Variants in KPNA4 observed in about 807,000 individuals in gnomAD.
KPNA4 encodes the protein karyopherin subunit alpha 4.
In KPNA4, 13 loss-of-function variants were observed where a neutral mutation model predicts 71.3. The ratio of observed to expected loss-of-function variants is 0.18; its 90% CI spans 0.12 to 0.29. KPNA4 has a LOEUF of 0.29. Among genes scored for constraint, KPNA4 ranks in the 10% least tolerant of loss-of-function variants. KPNA4 has a pLI of 1.00. For synonymous variants in KPNA4, 189 were observed against 195.2 expected (o/e 0.97, Z 0.26); for missense variants, 334 against 603.2 (o/e 0.55, Z 4.67).
At chr3:160,524,704 T>C (rs375780750) in intron 10 of KPNA4, among the ~76,000 whole-genome samples, 9 of 152,320 alleles carry the variant, frequency 5.9e-5, no homozygotes, top group East Asian at 5.8e-4. Context: ...AACTTGGCTA[T>C]TAAGGAGCCA....
At chr3:160,508,294 T>C (rs768391575) in intron 14 of KPNA4, 25 bp from the exon 15 acceptor site, 37 of 1,517,154 alleles carry the variant, frequency 2.4e-5, no homozygotes, top group African/African-American at 4.2e-5. Context: ...CAACATAAAA[T>C]AATGCAATAT....
chr3:160,527,936 A>T lies in KPNA4; in HGVS notation c.556+17T>A. The T allele has an allele frequency of 6.3e-7, 1 of 1,584,484 alleles. No homozygotes were observed. Among genetic ancestry groups the T allele is most frequent in the Non-Finnish European group, 8.7e-7 (1 of 1,154,996 alleles). ...TGATAACAATTTTTAGACTAGTATTACAAGTTTTATACAAACCTATGATAT... is the reference window on the plus strand; with the variant it reads ...TGATAACAATTTTTAGACTAGTATTTCAAGTTTTATACAAACCTATGATAT... On this transcript the variant is annotated intron_variant, in intron 8 of 16. Transcript: ENST00000334256.
chr3:160,559,913 T>C (rs1026855076), intron 1 of KPNA4, among the ~76,000 whole-genome samples: 3 of 152,114 alleles, frequency 2.0e-5, no homozygotes, highest in Admixed American at 6.5e-5. Flanking sequence ...TTTATAGATA[T>C]CAATATACAG....
intron 8 of KPNA4, among the ~76,000 whole-genome samples, chr3:160,527,166 C>CT (rs1721476371): frequency 6.6e-6 from 1 of 152,168 alleles, no homozygotes; most frequent in Non-Finnish European, 1.5e-5. Context: ...AGCAATACCC[C>CT]TACAAACAGT....
intron 5 of KPNA4, among the ~76,000 whole-genome samples, chr3:160,534,244 T>C (rs1283692767): frequency 6.6e-6 from 1 of 152,208 alleles, no homozygotes; most frequent in African/African-American, 2.4e-5. Flanking sequence ...TACTTGTCTC[T>C]TTCCTACTGA....
At chr3:160,536,439 G>A (rs562729128) in intron 2 of KPNA4, among the ~76,000 whole-genome samples, 10 of 152,204 alleles carry the variant, frequency 6.6e-5, no homozygotes, top group African/African-American at 2.2e-4. Context: ...TTTGCAACAA[G>A]TTCTTTTCAG....
intron 1 of KPNA4, among the ~76,000 whole-genome samples, chr3:160,545,301 T>C (rs62272799): frequency 0.045 from 6,864 of 152,322 alleles, 225 homozygotes; most frequent in Middle Eastern, 0.078. Flanking sequence ...TATGTTCACA[T>C]ACTAAACAGA....
intron 1 of KPNA4, among the ~76,000 whole-genome samples, chr3:160,559,573 A>G (rs1187998284): frequency 2.0e-5 from 3 of 152,202 alleles, no homozygotes; most frequent in Non-Finnish European, 4.4e-5. Context: ...GTAACAGTGT[A>G]AGAAAAGTTC....
intron 1 of KPNA4, chr3:160,564,446 T>C (rs1255640794): frequency 1.3e-5 from 2 of 152,210 alleles, no homozygotes; most frequent in Non-Finnish European, 2.9e-5. Context: ...GCTGGTGGTC[T>C]CCTCTCAGGA....
chr3:160,546,031 C>G (rs1176626381), intron 1 of KPNA4, among the ~76,000 whole-genome samples: 3 of 151,398 alleles, frequency 2.0e-5, no homozygotes, highest in African/African-American at 7.3e-5. Context: ...AATGAGATGT[C>G]AAGTAGTCTG....
intron 15 of KPNA4, among the ~76,000 whole-genome samples, chr3:160,505,298 T>C (rs925130191): frequency 1.3e-5 from 2 of 152,156 alleles, no homozygotes; most frequent in African/African-American, 4.8e-5. Flanking sequence ...TATAAATAAG[T>C]AATGAGACAT....
Position 160,521,850 on chromosome 3 carries a change from G to C in KPNA4, c.832C>G (p.Gln278Glu). The C allele has an allele frequency of 6.2e-7, 1 of 1,612,792 alleles. No individual in the cohort carries two copies. The highest frequency in any genetic ancestry group is 2.2e-5 in the East Asian group (1 of 44,846). The change falls in exon 11 of 17, where the codon CAG becomes GAG. Residue 278 changes from glutamine (Q) to glutamate (E), a missense_variant. Gln to Glu is a conservative substitution (Grantham distance 29). Coordinates refer to ENST00000334256, the MANE Select transcript of KPNA4 (RefSeq NM_002268.5). ...YLTDAGNEQI[Q>E]MVIDSGIVPH... ...ACTATTCCAGAGTCTATTACCATCT[G>C]TATTTGTTCATTGCCAGCATCAGTA...
intron 1 of KPNA4, among the ~76,000 whole-genome samples, chr3:160,549,748 G>A (rs1385551790): frequency 6.6e-6 from 1 of 152,182 alleles, no homozygotes; most frequent in Non-Finnish European, 1.5e-5. Context: ...GATATTCAGA[G>A]TCCTTGTGGT....
chr3:160,535,639 A>G, intron 4 of KPNA4, 22 bp downstream of exon 4: 1 of 1,586,966 alleles, frequency 6.3e-7, no homozygotes, highest in Non-Finnish European at 8.5e-7. Context: ...GCAAATGAAG[A>G]GAGGGAAAAA....
intron 1 of KPNA4, among the ~76,000 whole-genome samples, chr3:160,538,279 T>G (rs1298848582): frequency 6.6e-6 from 1 of 152,048 alleles, no homozygotes; most frequent in African/African-American, 2.4e-5. Context: ...GCTTCTTTAT[T>G]ATCACATTAA....
At chr3:160,524,488 C>A (rs1464983021) in intron 10 of KPNA4, among the ~76,000 whole-genome samples, 1 of 151,822 alleles carries the variant, frequency 6.6e-6, no homozygotes, top group Non-Finnish European at 1.5e-5. Flanking sequence ...ACTACAGGTG[C>A]ACATCACTAT....
At chr3:160,563,428 C>T (rs766486724) in intron 1 of KPNA4, among the ~76,000 whole-genome samples, 6 of 152,168 alleles carry the variant, frequency 3.9e-5, no homozygotes, top group East Asian at 1.9e-4. Flanking sequence ...TTTTTGGGGC[C>T]GTGAAAATGT....
intron 5 of KPNA4, among the ~76,000 whole-genome samples, chr3:160,534,718 G>GAAA (rs544384718): frequency 1.1e-4 from 8 of 73,138 alleles, no homozygotes; most frequent in African/African-American, 2.7e-4. Flanking sequence ...CTCCATCTCA[G>GAAA]AAAAAAAAAA....
At position 160,531,660 on chromosome 3, in the gene KPNA4, G is replaced by A. The variant is rs145422922; in HGVS notation, c.288-103C>T. On this transcript the variant is annotated intron_variant, in intron 5 of 16. Coordinates refer to ENST00000334256, the MANE Select transcript of KPNA4 (RefSeq NM_002268.5). ...ATATTAACATAAATCTGAATATTTG[G>A]TACAAGTGCCTTCTCTGAAATTAAC... is the stretch of plus-strand genomic sequence containing the variant. 212 of 524,890 alleles carry A rather than the reference G, an allele frequency of 4.0e-4. No individual in the cohort carries two copies. In the East Asian group the frequency reaches 7.0e-3, roughly 17 times the overall value. The allele number at this position is 524,890 out of a possible 1,614,324, so 32.5% of individuals were successfully genotyped here. A position where few individuals can be genotyped will look rare whatever the true frequency, so the allele number is the denominator to read the frequency against.
Sources: gnomAD v4.1 joint callset for allele counts (sites outside exome capture counted in the v4.1 genomes callset) on GRCh38, gnomAD v4.1.1 for gene constraint, MANE v1.5 for transcripts, NCBI Gene and HGNC (gene_info 2026-07-23, HGNC 2026-07-21) for gene names.